FARP2: variants seen among roughly 807,000 people sequenced by gnomAD.
FARP2 encodes the protein FERM, ARHGEF and pleckstrin domain-containing protein 2.
FARP2 carries 111 observed loss-of-function variants against 130.5 expected under a neutral mutation model. That is an observed-to-expected ratio of 0.85 (90% CI 0.73 to 1.00). FARP2 has a LOEUF of 1.00. FARP2 is among the 50% of genes least tolerant of loss of function. The pLI is 0.00. For missense variants in FARP2, 1,385 were observed against 1,346.3 expected (o/e 1.03, Z -0.45); for synonymous variants, 504 against 516.9 (o/e 0.98, Z 0.34).
At chr2:241,412,550 C>CTT (rs1354623330) in intron 6 of FARP2, among the ~76,000 whole-genome samples, 3 of 152,086 alleles carry the variant, frequency 2.0e-5, no homozygotes, top group Admixed American at 2.0e-4. Flanking sequence ...AATTATTGAA[C>CTT]TTTATGTTAT....
chr2:241,386,652 A>G (rs570525107), intron 2 of FARP2: 2 of 152,344 alleles, frequency 1.3e-5, no homozygotes, highest in South Asian at 4.1e-4. Flanking sequence ...GGGAGTATGG[A>G]ACGTGGTAGA....
intron 1 of FARP2, chr2:241,372,644 T>C (rs912708812): frequency 3.9e-5 from 6 of 152,452 alleles, no homozygotes; most frequent in African/African-American, 1.4e-4. Flanking sequence ...TTGGTAGAAA[T>C]GGCACCATCT....
At chr2:241,446,382 A>T (rs2063515444) in intron 13 of FARP2, 1 of 152,236 alleles carries the variant, frequency 6.6e-6, no homozygotes, top group Non-Finnish European at 1.5e-5. Flanking sequence ...CTGTTGGTTA[A>T]GTCATTCCCA....
chr2:241,493,803 G>A (rs1474955640), intron 26 of FARP2: 3 of 499,546 alleles, frequency 6.0e-6, no homozygotes, highest in South Asian at 3.6e-5. Flanking sequence ...CACCATGTTG[G>A]CCAGGCTGGT....
intron 6 of FARP2, among the ~76,000 whole-genome samples, chr2:241,412,285 A>C (rs1349341005): frequency 1.3e-5 from 2 of 152,144 alleles, no homozygotes; most frequent in Non-Finnish European, 1.5e-5. Flanking sequence ...CGCCCCCATG[A>C]GTCAGTTACC....
intron 6 of FARP2, 103 bp downstream of exon 6, chr2:241,411,233 G>A (rs887224408): frequency 2.2e-5 from 17 of 768,542 alleles, no homozygotes; most frequent in Non-Finnish European, 3.8e-5. Flanking sequence ...TAGTTAGTGA[G>A]CCTGACCATA....
At chr2:241,380,261 C>G (rs970345925) in intron 2 of FARP2, among the ~76,000 whole-genome samples, 3 of 152,154 alleles carry the variant, frequency 2.0e-5, no homozygotes, top group Middle Eastern at 3.2e-3. Context: ...GACTCGCACA[C>G]CATTTGTTGA....
chr2:241,389,274 G>A (rs1399765882), intron 2 of FARP2, among the ~76,000 whole-genome samples: 5 of 151,978 alleles, frequency 3.3e-5, no homozygotes, highest in South Asian at 2.1e-4. Flanking sequence ...GCAAGACTTC[G>A]TCTCAAAAAA....
chr2:241,458,212 G>A (rs894486965), intron 14 of FARP2, among the ~76,000 whole-genome samples: 4 of 152,136 alleles, frequency 2.6e-5, no homozygotes, highest in Admixed American at 2.0e-4. Context: ...TATTGGGCCT[G>A]GAGTCCACAG....
rs562433057 is a variant in FARP2 at position 241,376,405 on chromosome 2, T to C, written c.183+3115T>C. On this transcript the variant is annotated intron_variant, in intron 2 of 26. Transcript: ENST00000264042. ...AGGAATTGGTGAGCATTTTTTGTAA[T>C]CTACCCTGACAAATATTGCCAGTGT... Among the ~76,000 whole-genome samples, 11 of 152,346 alleles carry C rather than the reference T, an allele frequency of 7.2e-5. No individual in the cohort carries two copies. The South Asian group carries it at 2.3e-3, about 32-fold the overall frequency.
chr2:241,436,569 G>GT (rs755270785), intron 12 of FARP2, 31 bp downstream of exon 12: 1 of 1,585,792 alleles, frequency 6.3e-7, no homozygotes, highest in Non-Finnish European at 8.7e-7. Flanking sequence ...CATGGGGGCA[G>GT]TAGGAGTTCC....
intron 1 of FARP2, among the ~76,000 whole-genome samples, chr2:241,361,803 T>C (rs2061192475): frequency 6.6e-6 from 1 of 152,200 alleles, no homozygotes; most frequent in Non-Finnish European, 1.5e-5. Context: ...GGAATGTGTT[T>C]GTGAAGGAGG....
At chr2:241,383,112 T>C (rs1559717766) in intron 2 of FARP2, among the ~76,000 whole-genome samples, 1 of 152,218 alleles carries the variant, frequency 6.6e-6, no homozygotes, top group African/African-American at 2.4e-5. Flanking sequence ...CCCAACAGCC[T>C]TAGGCCAGCA....
At chr2:241,364,929 G>A (rs770664663) in intron 1 of FARP2, among the ~76,000 whole-genome samples, 24 of 152,278 alleles carry the variant, frequency 1.6e-4, no homozygotes, top group Non-Finnish European at 2.9e-4. Flanking sequence ...AATTTGCACT[G>A]TAATCTGTTG....
At chr2:241,457,097 A>G (rs16843700) in intron 14 of FARP2, among the ~76,000 whole-genome samples, 175 bp downstream of exon 14, 1,992 of 152,280 alleles carry the variant, frequency 0.013, 41 homozygotes, top group African/African-American at 0.045. Context: ...CTTCCCTAGC[A>G]AAACCTTCCT....
chr2:241,393,969 G>A (rs753496014), intron 2 of FARP2, among the ~76,000 whole-genome samples: 2 of 152,164 alleles, frequency 1.3e-5, no homozygotes, highest in Non-Finnish European at 2.9e-5. Flanking sequence ...AAACAGTTCT[G>A]ATTTGAGTCA....
chr2:241,467,581 G>T (rs4324317), intron 17 of FARP2, among the ~76,000 whole-genome samples: 3,963 of 151,652 alleles, frequency 0.026, 399 homozygotes, highest in Admixed American at 0.18. Context: ...GGCAGAGGTT[G>T]CAGTGAGCTA....
At chr2:241,443,993 A>G (rs992288737) in intron 13 of FARP2, 2 of 152,258 alleles carry the variant, frequency 1.3e-5, no homozygotes, top group South Asian at 4.1e-4. Flanking sequence ...TCCTTTTCTC[A>G]TCAGTGTTGG....
intron 19 of FARP2, chr2:241,478,787 G>T: frequency 2.4e-6 from 1 of 411,514 alleles, no homozygotes. Flanking sequence ...TCAGGAGGAG[G>T]AACTCACACA....
Sources: gnomAD v4.1 joint callset for allele counts (sites outside exome capture counted in the v4.1 genomes callset) on GRCh38, gnomAD v4.1.1 for gene constraint, MANE v1.5 for transcripts, NCBI Gene and HGNC (gene_info 2026-07-23, HGNC 2026-07-21) for gene names.